The following DDX19A variants were observed in gnomAD, a reference collection of about 807,000 sequenced individuals.
DDX19A encodes the protein DEAD-box helicase 19A.
Under a neutral mutation model 60.6 loss-of-function variants are expected in DDX19A, and 12 were observed. The observed-to-expected ratio is 0.20, with a 90% CI of 0.13 to 0.32. DDX19A has a LOEUF of 0.32. DDX19A is among the 10% of genes least tolerant of loss of function. The probability of loss-of-function intolerance (pLI) is 1.00; values close to 1 mark genes in which losing one functional copy is unlikely to be tolerated. For missense variants in DDX19A, 337 were observed against 600.6 expected (o/e 0.56, Z 4.59); for synonymous variants, 206 against 218.2 (o/e 0.94, Z 0.49).
At chr16:70,361,549 T>G in intron 5 of DDX19A, 39 bp downstream of exon 5, 2 of 1,524,108 alleles carry the variant, frequency 1.3e-6, no homozygotes, top group Non-Finnish European at 1.8e-6. Context: ...CCAGTGTGAT[T>G]AGATCAATCT....
chr16:70,349,573 C>T (rs1297796491), intron 1 of DDX19A, among the ~76,000 whole-genome samples: 1 of 152,110 alleles, frequency 6.6e-6, no homozygotes, highest in Non-Finnish European at 1.5e-5. Context: ...TGCCCGGTAG[C>T]CATCAGACAT....
rs542853209 is a variant in DDX19A at position 70,359,316 on chromosome 16, A to G, written c.294-2102A>G. 1.9e-4 allele frequency among the ~76,000 whole-genome samples: 29 copies of G among 152,318 alleles called. 1 individual carries two copies. The highest frequency in any genetic ancestry group is 6.2e-4 in the South Asian group (3 of 4,824). The stretch of plus-strand genomic sequence containing the variant: ...GTCACAGCATTTTCTCCCAAATGGA[A>G]GATATGAAAGATTATGTTTTTAAAT... On this transcript the variant is annotated intron_variant, in intron 4 of 11. Transcript: ENST00000302243.
At chr16:70,353,406 G>A (rs866741601) in intron 2 of DDX19A, among the ~76,000 whole-genome samples, 17 of 152,110 alleles carry the variant, frequency 1.1e-4, no homozygotes, top group South Asian at 6.2e-4. Flanking sequence ...GAGCCACCAC[G>A]CCTGGCCTTT....
chr16:70,355,743 C>T, intron 3 of DDX19A: 1 of 595,954 alleles, frequency 1.7e-6, no homozygotes, highest in South Asian at 2.0e-5. Flanking sequence ...GGGAGGATTC[C>T]TTTGGGCCAG....
At position 70,372,253 on chromosome 16, in the gene DDX19A, A is replaced by G; in HGVS notation, c.*267A>G. On this transcript the variant is annotated 3_prime_UTR_variant, in exon 12 of 12. Transcript: ENST00000302243. ...CCCCCATCTTTATAATAATCTGGTC[A>G]CAGTGGTAGTCGCTGGCCCCAGGAC... The G allele has an allele frequency of 1.8e-6, 1 of 562,680 alleles. No individual in the cohort carries two copies. The highest frequency in any genetic ancestry group is 3.1e-6 in the Non-Finnish European group (1 of 318,440). The allele number at this position is 562,680 out of a possible 1,614,324, so 34.9% of individuals were successfully genotyped here. A position where few individuals can be genotyped will look rare whatever the true frequency, so the allele number is the denominator to read the frequency against.
intron 5 of DDX19A, among the ~76,000 whole-genome samples, chr16:70,362,642 A>G (rs745548881): frequency 6.6e-6 from 1 of 151,978 alleles, no homozygotes; most frequent in Non-Finnish European, 1.5e-5. Flanking sequence ...CAGTGGTGCA[A>G]TTACAGCCCA....
chr16:70,367,238 C>T (rs996608943), intron 9 of DDX19A, among the ~76,000 whole-genome samples: 1 of 151,546 alleles, frequency 6.6e-6, no homozygotes, highest in African/African-American at 2.4e-5. Context: ...ACCATCCTGA[C>T]TAACACGGTG....
intron 4 of DDX19A, chr16:70,356,948 T>TCC: frequency 1.3e-6 from 1 of 786,728 alleles, no homozygotes; most frequent in Non-Finnish European, 1.7e-6. Context: ...GTTTTTTTTT[T>TCC]ACAAAAAAAA....
At position 70,366,641 on chromosome 16, in the gene DDX19A, G is replaced by C. The variant is rs771841898; in HGVS notation, c.800G>C (p.Cys267Ser). 9 of 1,614,106 alleles carry C rather than the reference G, an allele frequency of 5.6e-6. No homozygotes were observed. In the South Asian group the frequency reaches 9.9e-5, roughly 18 times the overall value. The change falls in exon 9 of 12, where the codon TGC (cysteine) becomes TCC (serine). Residue 267 changes from cysteine to serine, a missense_variant. Around this residue, in one of 6 missense-constraint regions of DDX19A, gnomAD observed 117 missense variants for 274.3 expected, o/e 0.43. Coordinates refer to ENST00000302243, the MANE Select transcript of DDX19A (RefSeq NM_018332.5). ...IRIQRMLPRN[C>S]QMLLFSATFE... is the part of the protein sequence containing the mutation. The stretch of plus-strand genomic sequence containing the variant: ...CCTTGCAGGATGCTGCCCAGGAACT[G>C]CCAGATGCTGCTTTTCTCCGCCACC...
At position 70,372,156 on chromosome 16, in the gene DDX19A, TG is replaced by T. The variant is rs1296929888; in HGVS notation, c.*176del. 1.3e-5 allele frequency: 15 copies of T among 1,128,110 alleles called. No homozygotes were observed. The highest frequency in any genetic ancestry group is 1.9e-5 in the Non-Finnish European group (15 of 785,596). 69.9% of individuals were successfully genotyped at this position (1,128,110 alleles called of 1,614,324 possible). A position where few individuals can be genotyped will look rare whatever the true frequency, so the allele number is the denominator to read the frequency against. On this transcript the variant is annotated 3_prime_UTR_variant, in exon 12 of 12. Coordinates refer to ENST00000302243, the MANE Select transcript of DDX19A (RefSeq NM_018332.5). ...ACTTGACAAAAATAGGTGCAAATGA[TG>T]GGGGGCAATAGAAGAAAAAATTTGC...
rs149083739 is a variant in DDX19A at position 70,364,437 on chromosome 16, T to C, written c.387-106T>C. ...CTCAATGGAGAAAACCTGGGTAATA[T>C]AGAGAAGCACGAAGGGGGAAATATG... is the stretch of plus-strand genomic sequence containing the variant. On this transcript the variant is annotated intron_variant, in intron 5 of 11. Transcript: ENST00000302243. The C allele has an allele frequency of 2.7e-4, 221 of 832,196 alleles. No individual in the cohort carries two copies. In the Middle Eastern group the frequency reaches 6.9e-3, roughly 26 times the overall value. The allele number at this position is 832,196 out of a possible 1,614,324, so 51.6% of individuals were successfully genotyped here.
chr16:70,349,978 T>C (rs944397105), intron 1 of DDX19A, among the ~76,000 whole-genome samples: 1 of 152,164 alleles, frequency 6.6e-6, no homozygotes, highest in East Asian at 1.9e-4. Flanking sequence ...GTGGTTCTGC[T>C]CTCTAGTGTA....
intron 5 of DDX19A, among the ~76,000 whole-genome samples, chr16:70,362,592 T>C (rs1964399002): frequency 6.6e-6 from 1 of 152,038 alleles, no homozygotes; most frequent in African/African-American, 2.4e-5. Context: ...ACTAAGTTCC[T>C]TTTGAGACAG....
chr16:70,360,280 C>CA (rs570664065), intron 4 of DDX19A, among the ~76,000 whole-genome samples: 73 of 141,072 alleles, frequency 5.2e-4, no homozygotes, highest in Middle Eastern at 3.8e-3. Context: ...GACTCCATCT[C>CA]AAAAAAAAAA....
chr16:70,370,146 G>C lies in DDX19A; in HGVS notation c.1021-77G>C, dbSNP rs145537687. ...CAGGACTTTTTAGATCACCCTGAGT[G>C]ACAGCAAGACTGTGTCTCAAAAAGA... On this transcript the variant is annotated intron_variant, in intron 9 of 11. Coordinates refer to ENST00000302243, the MANE Select transcript of DDX19A (RefSeq NM_018332.5). 781 of 1,501,942 alleles carry C rather than the reference G, an allele frequency of 5.2e-4. 8 individuals are homozygous for C. In the African/African-American group the frequency reaches 0.01, roughly 20 times the overall value. The allele number at this position is 1,501,942 out of a possible 1,614,324, so 93.0% of individuals were successfully genotyped here. A position where few individuals can be genotyped will look rare whatever the true frequency, so the allele number is the denominator to read the frequency against.
rs2047309851 is a variant in DDX19A at position 70,373,300 on chromosome 16, AATT to A, written c.*1317_*1319del. The A allele has an allele frequency of 6.6e-6, 1 of 152,166 alleles. No homozygotes were observed. 9.4% of individuals were successfully genotyped at this position (152,166 alleles called of 1,614,324 possible). A position where few individuals can be genotyped will look rare whatever the true frequency, so the allele number is the denominator to read the frequency against. On this transcript the variant is annotated 3_prime_UTR_variant, in exon 12 of 12. Transcript: ENST00000302243. Reference sequence around the variant, plus strand: ...TCATTATGCTAAGACATTTTAAAGTAATTATGAGAAACGCTCTACTAATGATTT... The same window carrying A: ...TCATTATGCTAAGACATTTTAAAGTAATGAGAAACGCTCTACTAATGATTT...
At chr16:70,349,422 T>G (rs1317157781) in intron 1 of DDX19A, among the ~76,000 whole-genome samples, 1 of 152,042 alleles carries the variant, frequency 6.6e-6, no homozygotes, top group African/African-American at 2.4e-5. Context: ...TTAAAAAGAG[T>G]TGAGGCAGAC....
At chr16:70,350,330 A>G (rs1963973074) in intron 1 of DDX19A, among the ~76,000 whole-genome samples, 1 of 152,132 alleles carries the variant, frequency 6.6e-6, no homozygotes, top group Non-Finnish European at 1.5e-5. Context: ...CCCCCCAACC[A>G]TTATATTTAG....
At position 70,350,556 on chromosome 16, in the gene DDX19A, G is replaced by C. The variant is rs755739748; in HGVS notation, c.58-1G>C. On this transcript the variant is annotated splice_acceptor_variant, in intron 1 of 11. Coordinates refer to ENST00000302243, the MANE Select transcript of DDX19A (RefSeq NM_018332.5). LOFTEE classifies it high-confidence loss of function. ...CTCTGTTTTCTTTTATTTCTATTCA[G>C]ATGACCAATTTGCAGATCAAGGAAG... is the stretch of plus-strand genomic sequence containing the variant. The C allele has an allele frequency of 1.2e-6, 2 of 1,610,966 alleles. No individual in the cohort carries two copies. Among genetic ancestry groups the C allele is most frequent in the Non-Finnish European group, 1.7e-6 (2 of 1,178,490 alleles).
Sources: gnomAD v4.1 joint callset for allele counts (sites outside exome capture counted in the v4.1 genomes callset) on GRCh38, gnomAD v4.1.1 for gene constraint, gnomAD v4.1.1 regional missense constraint, MANE v1.5 for transcripts, NCBI Gene and HGNC (gene_info 2026-07-23, HGNC 2026-07-21) for gene names.